Variants in PCDHA3 observed in about 807,000 individuals in gnomAD.
PCDHA3 encodes protocadherin alpha-3.
PCDHA3 carries 41 observed loss-of-function variants against 62.2 expected under a neutral mutation model. The ratio of observed to expected loss-of-function variants is 0.66; its 90% CI spans 0.51 to 0.86. The LOEUF is 0.86. Ranked by LOEUF, PCDHA3 falls within the 40% of genes least tolerant of loss-of-function variation. The pLI, the probability that PCDHA3 is intolerant of heterozygous loss-of-function variation, is 0.00. For synonymous variants in PCDHA3, 640 were observed against 555.4 expected, an observed-to-expected ratio of 1.15 and a Z score of -2.14; for missense variants, 1,304 against 1,241.2, an observed-to-expected ratio of 1.05 and a Z score of -0.76.
At chr5:140,908,470 G>C (rs2073991280) in intron 1 of PCDHA3, among the ~76,000 whole-genome samples, 1 of 152,186 alleles carries the variant, frequency 6.6e-6, no homozygotes, top group Non-Finnish European at 1.5e-5. Flanking sequence ...AAAGCACCCA[G>C]TTCATGATAG....
At chr5:140,853,468 T>C in intron 1 of PCDHA3, 2 of 970,862 alleles carry the variant, frequency 2.1e-6, no homozygotes, top group African/African-American at 1.8e-5. Context: ...TATGCATCTG[T>C]AGTTAACATT....
intron 1 of PCDHA3, chr5:140,875,972 T>G: frequency 6.2e-7 from 1 of 1,614,068 alleles, no homozygotes; most frequent in Non-Finnish European, 8.5e-7. Context: ...GTAAACTCTC[T>G]TTTGACCTAT....
intron 1 of PCDHA3, chr5:140,876,308 A>G: frequency 6.2e-7 from 1 of 1,614,070 alleles, no homozygotes; most frequent in Non-Finnish European, 8.5e-7. Flanking sequence ...GAAATTTCCT[A>G]TGGGATCAAA....
At chr5:140,850,883 T>G in intron 1 of PCDHA3, 1 of 1,582,476 alleles carries the variant, frequency 6.3e-7, no homozygotes, top group Non-Finnish European at 8.6e-7. Context: ...CAGATTCAAC[T>G]GGGAAGGTGG....
chr5:140,887,224 G>A (rs1554182948), intron 1 of PCDHA3, among the ~76,000 whole-genome samples: 1 of 151,812 alleles, frequency 6.6e-6, no homozygotes, highest in Non-Finnish European at 1.5e-5. Context: ...AGCCTCCCGA[G>A]TAGCTGAGAC....
chr5:140,831,641 G>A (rs10060640), intron 1 of PCDHA3, among the ~76,000 whole-genome samples: 80,051 of 151,240 alleles, frequency 0.53, 21,345 homozygotes, highest in Middle Eastern at 0.65. Flanking sequence ...AAGATTATAG[G>A]TGTGAGCCAC....
intron 1 of PCDHA3, chr5:140,870,351 C>G (rs958022470): frequency 2.5e-6 from 4 of 1,614,202 alleles, no homozygotes; most frequent in Non-Finnish European, 3.4e-6. Context: ...ACCGCGAGAA[C>G]GTGTGGGCCT....
At chr5:140,843,505 T>A (rs2150361332) in intron 1 of PCDHA3, 2 of 1,595,718 alleles carry the variant, frequency 1.3e-6, no homozygotes, top group Admixed American at 1.7e-5. Context: ...CACTGCCCAC[T>A]GAGGGCGGGT....
intron 1 of PCDHA3, chr5:140,841,370 T>C: frequency 1.9e-6 from 3 of 1,613,492 alleles, no homozygotes; most frequent in South Asian, 1.1e-5. Flanking sequence ...ACTACTACTC[T>C]TGCTTCTGCT....
At position 140,841,487 on chromosome 5, in the gene PCDHA3, C is replaced by G. The variant is rs2150316541; in HGVS notation, c.2394+37896C>G. The G allele has an allele frequency of 6.2e-7, 1 of 1,613,022 alleles. No homozygotes were observed. Among genetic ancestry groups the G allele is most frequent in the Non-Finnish European group, 8.5e-7 (1 of 1,179,924 alleles). On this transcript the variant is annotated intron_variant, in intron 1 of 3. Transcript: ENST00000522353. ...GATCGCGCAGGACCTGGGGCTGGAG[C>G]TGGCGGAGCTGGTGCCGCGCCTGTT...
chr5:140,921,888 A>G (rs1430604991), intron 1 of PCDHA3, among the ~76,000 whole-genome samples: 8 of 152,090 alleles, frequency 5.3e-5, no homozygotes, highest in African/African-American at 1.9e-4. Context: ...AGATTTTAGA[A>G]AGGAGGATAA....
chr5:140,927,110 G>A, intron 1 of PCDHA3: 2 of 1,613,752 alleles, frequency 1.2e-6, no homozygotes, highest in Non-Finnish European at 1.7e-6. Flanking sequence ...CTACCCAGCG[G>A]CAATTTGGTG....
intron 1 of PCDHA3, among the ~76,000 whole-genome samples, chr5:140,846,373 C>CTTTTTTTTTTTTTTTTTTTTTTTTTTTT (rs374699051): frequency 3.6e-5 from 2 of 55,152 alleles, no homozygotes; most frequent in Non-Finnish European, 8.2e-5. Flanking sequence ...TTCTTTCTTT[C>CTTTTTTTTTTTTTTTTTTTTTTTTTTTT]TTTTTTTTTT....
chr5:140,882,668 C>T, intron 1 of PCDHA3: 1 of 1,614,138 alleles, frequency 6.2e-7, no homozygotes, highest in Non-Finnish European at 8.5e-7. Context: ...GCCCATATTC[C>T]CTGAAAGCAA....
chr5:140,947,146 A>G (rs1253300651), intron 1 of PCDHA3, among the ~76,000 whole-genome samples: 2 of 151,546 alleles, frequency 1.3e-5, no homozygotes, highest in Non-Finnish European at 1.5e-5. Context: ...ATGTATAGTT[A>G]CTTCCACGGG....
intron 1 of PCDHA3, chr5:140,830,035 G>T (rs2150180061): frequency 1.2e-6 from 2 of 1,613,880 alleles, no homozygotes; most frequent in South Asian, 2.2e-5. Flanking sequence ...ACCGGCTGCT[G>T]GTGCTGGTGA....
rs1422788962 is a variant in PCDHA3, at chr5:140,847,584, A to G, written c.2394+43993A>G. ...GCCCCGAGTACTAAGGATGAGCAAT[A>G]ATGAAATTAAAACATATTGTAATAA... On this transcript the variant is annotated intron_variant, in intron 1 of 3. Coordinates refer to ENST00000522353, the MANE Select transcript of PCDHA3 (RefSeq NM_018906.3). The G allele has an allele frequency of 1.1e-4, 16 of 149,668 alleles. No homozygotes were observed. In the Admixed American group the frequency reaches 1.1e-3, roughly 10 times the overall value. 9.3% of individuals were successfully genotyped at this position (149,668 alleles called of 1,614,324 possible).
intron 1 of PCDHA3, chr5:140,823,761 C>T (rs2150066668): frequency 6.2e-7 from 1 of 1,613,892 alleles, no homozygotes. Flanking sequence ...CAGCCACAGC[C>T]ACAGTGCTGG....
Position 140,801,847 on chromosome 5 carries a change from G to A in PCDHA3, c.650G>A (p.Gly217Asp), listed in dbSNP as rs1762798668. Residue 217 changes from glycine (G) to aspartate (D), a missense_variant, in exon 1 of 4, where the codon GGT (glycine) becomes GAT (aspartate). Gly to Asp is a moderately conservative substitution (Grantham distance 94). Coordinates refer to ENST00000522353, the MANE Select transcript of PCDHA3 (RefSeq NM_018906.3). Reference sequence around the variant, plus strand: ...TATTTACTAATAACAGCAATTGATGGTGGGAAACCAGAGCTCACTGGCACG... The same window carrying A: ...TATTTACTAATAACAGCAATTGATGATGGGAAACCAGAGCTCACTGGCACG... ...KHYLLITAID[G>D]GKPELTGTTQ... The A allele has an allele frequency of 6.2e-7, 1 of 1,614,086 alleles. No homozygotes were observed. Among genetic ancestry groups the A allele is most frequent in the Middle Eastern group, 1.6e-4 (1 of 6,062 alleles).
Sources: allele counts gnomAD v4.1 joint callset (sites outside exome capture counted in the v4.1 genomes callset), GRCh38; gene constraint gnomAD v4.1.1; transcripts MANE v1.5; gene names NCBI Gene and HGNC (gene_info 2026-07-23, HGNC 2026-07-21).